The following TCF3 variants were observed in gnomAD, a reference collection of about 807,000 sequenced individuals.
The protein encoded by TCF3 is transcription factor E2-alpha.
Under a neutral mutation model 72.3 loss-of-function variants are expected in TCF3, and 54 were observed. The observed-to-expected ratio is 0.75, with a 90% CI of 0.60 to 0.94. The LOEUF is 0.94. Ranked by LOEUF, TCF3 falls within the 40% of genes least tolerant of loss-of-function variation. The probability of loss-of-function intolerance (pLI) is 0.00; values close to 1 mark genes in which losing one functional copy is unlikely to be tolerated. For synonymous variants in TCF3, 525 were observed against 412.6 expected, an observed-to-expected ratio of 1.27 and a Z score of -3.30; for missense variants, 1,078 against 934.4, an observed-to-expected ratio of 1.15 and a Z score of -2.00.
chr19:1,641,381 C>G (rs1386642878), intron 3 of TCF3, among the ~76,000 whole-genome samples: 1 of 152,078 alleles, frequency 6.6e-6, no homozygotes, highest in African/African-American at 2.4e-5. Flanking sequence ...CTCTGGGAGG[C>G]TGAGGTAAGA....
In TCF3 at chr19:1,632,129, G is replaced by C. The variant is rs1230958564; in HGVS notation, c.220-13C>G. On this transcript the variant is annotated splice_polypyrimidine_tract_variant and intron_variant, in intron 4 of 18. Coordinates refer to ENST00000262965, the MANE Select transcript of TCF3 (RefSeq NM_003200.5). Reference sequence around the variant, plus strand: ...CCTCGCTGAAGGTCTAGGGGAGATGGGGTGGGGATGAGAGGTGCTGGGGCT... The same window carrying C: ...CCTCGCTGAAGGTCTAGGGGAGATGCGGTGGGGATGAGAGGTGCTGGGGCT... 1 of 1,611,304 alleles carries C rather than the reference G, an allele frequency of 6.2e-7. No homozygotes were observed. Among genetic ancestry groups the C allele is most frequent in the Non-Finnish European group, 8.5e-7 (1 of 1,178,924 alleles).
chr19:1,639,803 C>G (rs1277853357), intron 3 of TCF3, among the ~76,000 whole-genome samples: 1 of 104,390 alleles, frequency 9.6e-6, no homozygotes, highest in African/African-American at 3.6e-5. Context: ...ATGAGAAAAA[C>G]ATGCATTATG....
intron 3 of TCF3, among the ~76,000 whole-genome samples, chr19:1,639,997 A>G (rs2065011440): frequency 6.6e-6 from 1 of 152,232 alleles, no homozygotes; most frequent in Non-Finnish European, 1.5e-5. Flanking sequence ...AATGAAGCAG[A>G]TTCTCCAGAA....
Position 1,615,805 on chromosome 19 carries a change from A to G in TCF3, c.1467T>C (p.Gly489=). ...PDSYSGLGRA[G]ATAAASEIKR... is the part of the protein sequence containing the mutation. ...TGATCTCGCTGGCGGCCGCCGTGGC[A>G]CCTGCTCGCCCTAGCCCTGCAACAG... The change falls in exon 17 of 19, where the codon GGT becomes GGC. Residue 489 remains glycine, a synonymous_variant. Coordinates refer to ENST00000262965, the MANE Select transcript of TCF3 (RefSeq NM_003200.5). The surrounding 1 kb of genome is among the most constrained non-coding windows in gnomAD (Gnocchi z 7.3). 1 of 1,569,096 alleles carries G rather than the reference A, an allele frequency of 6.4e-7. No homozygotes were observed. The highest frequency in any genetic ancestry group is 1.7e-5 in the Admixed American group (1 of 57,684).
rs1399028318 is a variant in TCF3 at position 1,619,157 on chromosome 19, C to A, written c.1404G>T (p.Gln468His). Residue 468 changes from glutamine to histidine, a missense_variant, in exon 16 of 19, where the codon CAG becomes CAT. Physicochemically the swap from Gln to His is conservative, Grantham distance 24. Transcript: ENST00000262965. Reference sequence around the variant, plus strand: ...GAGACAGGTCAGGGAGGGTGCCTGGCTGGCTGGGGAGGGCCGCGTGGTTGT... The same window carrying A: ...GAGACAGGTCAGGGAGGGTGCCTGGATGGCTGGGGAGGGCCGCGTGGTTGT... Reference protein sequence around the residue: ...LMHNHAALPSQPGTLPDLSRP... With the variant: ...LMHNHAALPSHPGTLPDLSRP... The A allele has an allele frequency of 6.2e-7, 1 of 1,600,196 alleles. No homozygotes were observed. Among genetic ancestry groups the A allele is most frequent in the South Asian group, 1.1e-5 (1 of 91,062 alleles).
chr19:1,650,191 G>A lies in TCF3; in HGVS notation c.58C>T (p.Leu20=). 7.0e-6 allele frequency: 11 copies of A among 1,571,818 alleles called. No homozygotes were observed. Among genetic ancestry groups the A allele is most frequent in the Non-Finnish European group, 8.6e-6 (10 of 1,160,054 alleles). ...VGTDKELSDL[L]DFSMMFPLPV... Reference sequence around the variant, plus strand: ...TCCTGGCTCACCATGCTGAAGTCCAGGAGGTCACTGAGCTCCTTGTCTGTG... The same window carrying A: ...TCCTGGCTCACCATGCTGAAGTCCAAGAGGTCACTGAGCTCCTTGTCTGTG... Residue 20 remains leucine, a synonymous_variant, in exon 2 of 19, where the codon CTG becomes TTG. Coordinates refer to ENST00000262965, the MANE Select transcript of TCF3 (RefSeq NM_003200.5).
Position 1,619,794 on chromosome 19 carries a change from C to T in TCF3, c.1153G>A (p.Gly385Ser), listed in dbSNP as rs758320527. ...PGALSPSYDG[G>S]LHGLQSKIED... ...CAGGCACTCACCAGGCCGTGGAGAC[C>T]CCCGTCGTAGCTGGGCGATAAGGCA... is the stretch of plus-strand genomic sequence containing the variant. Residue 385 changes from glycine to serine, a missense_variant, in exon 14 of 19, where the codon GGT becomes AGT. Transcript: ENST00000262965. 1.3e-5 allele frequency: 20 copies of T among 1,558,758 alleles called. No homozygotes were observed. Among genetic ancestry groups the T allele is most frequent in the Non-Finnish European group, 1.6e-5 (18 of 1,152,366 alleles).
In TCF3 at chr19:1,609,480, C is replaced by A; in HGVS notation, c.*2227G>T. The A allele has an allele frequency of 4.6e-6, 1 of 215,944 alleles. No individual in the cohort carries two copies. The highest frequency in any genetic ancestry group is 9.3e-6 in the Non-Finnish European group (1 of 107,868). The allele number at this position is 215,944 out of a possible 1,614,324, so 13.4% of individuals were successfully genotyped here. ...GAGGCACTCAGATCACACCCCCCAC[C>A]CCCCATAATTGTGGTTCCCAGGAAC... On this transcript the variant is annotated 3_prime_UTR_variant, in exon 19 of 19. Coordinates refer to ENST00000262965, the MANE Select transcript of TCF3 (RefSeq NM_003200.5).
chr19:1,622,270 C>T (rs2062334465), intron 9 of TCF3, 43 bp downstream of exon 9: 3 of 1,506,220 alleles, frequency 2.0e-6, no homozygotes, highest in African/African-American at 2.8e-5. Flanking sequence ...GGAACCCCAG[C>T]CCTGCCCTAC....
intron 3 of TCF3, among the ~76,000 whole-genome samples, chr19:1,633,076 A>G (rs888409658): frequency 7.1e-6 from 1 of 140,120 alleles, no homozygotes. Context: ...GGACGGGACG[A>G]GGACCTTGGT....
chr19:1,641,650 G>C (rs548150671), intron 3 of TCF3, among the ~76,000 whole-genome samples: 2 of 151,984 alleles, frequency 1.3e-5, no homozygotes, highest in Non-Finnish European at 2.9e-5. Context: ...ACGGGGTTTC[G>C]CCACGTTGAC....
At chr19:1,651,081 G>C (rs1198254743) in intron 1 of TCF3, 1 of 232,464 alleles carries the variant, frequency 4.3e-6, no homozygotes, top group Non-Finnish European at 8.5e-6. Context: ...AGCGTCTCAA[G>C]ACCAGGGTGC....
At chr19:1,634,508 G>A (rs980885268) in intron 3 of TCF3, among the ~76,000 whole-genome samples, 1 of 152,234 alleles carries the variant, frequency 6.6e-6, no homozygotes, top group Non-Finnish European at 1.5e-5. Flanking sequence ...TTCCAGTCAC[G>A]GGGTGTGGAA....
intron 18 of TCF3, among the ~76,000 whole-genome samples, chr19:1,613,999 C>T (rs1051874660): frequency 6.6e-5 from 10 of 152,264 alleles, no homozygotes; most frequent in Admixed American, 4.6e-4. Flanking sequence ...GTGCGGGTCC[C>T]GGCCCAGGCC....
At chr19:1,625,968 C>T (rs2062830517) in intron 6 of TCF3, among the ~76,000 whole-genome samples, 1 of 152,176 alleles carries the variant, frequency 6.6e-6, no homozygotes. Flanking sequence ...AGGGGCTGCT[C>T]CCCCGATTCT....
chr19:1,647,514 G>C (rs1036574965), intron 2 of TCF3, among the ~76,000 whole-genome samples: 1 of 152,190 alleles, frequency 6.6e-6, no homozygotes, highest in Non-Finnish European at 1.5e-5. Flanking sequence ...GGGAAACGGA[G>C]GCCGCATTCT....
intron 5 of TCF3, among the ~76,000 whole-genome samples, chr19:1,629,241 G>A (rs1430605739): frequency 6.6e-6 from 1 of 151,988 alleles, no homozygotes; most frequent in African/African-American, 2.4e-5. Context: ...TGGGGTCAGA[G>A]GCATTTGTCT....
chr19:1,627,282 C>T, intron 6 of TCF3, 77 bp downstream of exon 6: 1 of 1,298,000 alleles, frequency 7.7e-7, no homozygotes, highest in Non-Finnish European at 1.1e-6. Context: ...GCCAGGAGAG[C>T]TTCTGCAGAT....
At chr19:1,648,663 G>GT (rs1008142115) in intron 2 of TCF3, among the ~76,000 whole-genome samples, 10 of 152,208 alleles carry the variant, frequency 6.6e-5, no homozygotes, top group Middle Eastern at 3.2e-3. Context: ...CCCTTGGGCT[G>GT]TTTTTTTCCG....
Sources: allele counts gnomAD v4.1 joint callset (sites outside exome capture counted in the v4.1 genomes callset), GRCh38; gene constraint gnomAD v4.1.1; non-coding constraint Gnocchi (gnomAD v3.1); transcripts MANE v1.5; gene names NCBI Gene and HGNC (gene_info 2026-07-23, HGNC 2026-07-21).